ANO10: variants seen among roughly 807,000 people sequenced by gnomAD.
The protein encoded by ANO10 is anoctamin-10.
A neutral mutation model predicts 74.7 loss-of-function variants in ANO10; 77 were observed. The ratio of observed to expected loss-of-function variants is 1.03; its 90% CI spans 0.86 to 1.25. ANO10 has a LOEUF of 1.25. Ranked by LOEUF, ANO10 falls within the 50% of genes most tolerant of loss-of-function variation. ANO10 has a pLI of 0.00. For missense variants in ANO10, 721 were observed against 778.1 expected, an observed-to-expected ratio of 0.93 and a Z score of 0.87; for synonymous variants, 279 against 284.9, an observed-to-expected ratio of 0.98 and a Z score of 0.21.
intron 11 of ANO10, among the ~76,000 whole-genome samples, chr3:43,544,804 A>G (rs1435297841): frequency 2.0e-5 from 3 of 151,610 alleles, no homozygotes; most frequent in Non-Finnish European, 2.9e-5. Flanking sequence ...AATAAAAAAA[A>G]AAAAAAAAAA....
intron 12 of ANO10, among the ~76,000 whole-genome samples, chr3:43,373,148 G>C: frequency 1.2e-5 from 1 of 80,350 alleles, no homozygotes; most frequent in Admixed American, 1.7e-4. Context: ...CTAAGGTTTT[G>C]ACTCAGAAGC....
chr3:43,420,320 C>A (rs560859241), intron 12 of ANO10, among the ~76,000 whole-genome samples: 6 of 152,112 alleles, frequency 3.9e-5, no homozygotes, highest in African/African-American at 1.4e-4. Flanking sequence ...GTGGCGCACA[C>A]CTGTAGTCCC....
At chr3:43,616,354 C>G (rs1384177598) in intron 1 of ANO10, among the ~76,000 whole-genome samples, 3 of 152,282 alleles carry the variant, frequency 2.0e-5, no homozygotes, top group Admixed American at 6.5e-5. Flanking sequence ...CAGAAGACAA[C>G]CTTTTGTTTT....
chr3:43,527,514 G>A lies in ANO10; in HGVS notation c.1797+22206C>T, dbSNP rs148396252. On this transcript the variant is annotated intron_variant, in intron 11 of 12. Coordinates refer to ENST00000292246, the MANE Select transcript of ANO10 (RefSeq NM_018075.5). ...TGGGTTCTCATAGGACAATGGAGCC[G>A]TCTAAATCCAAATCTCTCCATATAT... Among the ~76,000 whole-genome samples, 1,314 of 152,114 alleles carry A rather than the reference G, an allele frequency of 8.6e-3. 13 individuals are homozygous for A. The highest frequency in any genetic ancestry group is 0.014 in the Non-Finnish European group (954 of 67,978).
chr3:43,591,774 C>T (rs575029774), intron 4 of ANO10, among the ~76,000 whole-genome samples: 11 of 152,220 alleles, frequency 7.2e-5, no homozygotes, highest in South Asian at 2.1e-4. Context: ...GTGCAGCGCA[C>T]GGACAGAGCC....
chr3:43,606,856 C>T (rs1480616228), intron 1 of ANO10, among the ~76,000 whole-genome samples: 3 of 152,116 alleles, frequency 2.0e-5, no homozygotes, highest in Non-Finnish European at 4.4e-5. Flanking sequence ...AGGGTTCAAA[C>T]TCTTCTGCTG....
rs569424979 is a variant in ANO10, at chr3:43,690,949, C to T, written c.-12+568G>A. ...GCCCGGGGCGGCCCAGTCGGCCTGT[C>T]AGCCGGCTTCGAGATAAGTCCCGGC... On this transcript the variant is annotated intron_variant, in intron 1 of 3. Transcript: ENST00000413397. The T allele has an allele frequency of 5.8e-6, 9 of 1,546,072 alleles. No individual in the cohort carries two copies. In the South Asian group the frequency reaches 9.5e-5, roughly 16 times the overall value.
At chr3:43,555,917 A>C (rs143212480) in intron 9 of ANO10, among the ~76,000 whole-genome samples, 215 of 152,272 alleles carry the variant, frequency 1.4e-3, no homozygotes, top group African/African-American at 5.0e-3. Context: ...GATGTTCTGG[A>C]TATCTGAATC....
At chr3:43,404,306 T>C (rs1159563081) in intron 12 of ANO10, among the ~76,000 whole-genome samples, 1 of 152,106 alleles carries the variant, frequency 6.6e-6, no homozygotes, top group African/African-American at 2.4e-5. Flanking sequence ...AAGGGAAGCC[T>C]CTGGATAATA....
chr3:43,548,700 T>A (rs2149304172), intron 11 of ANO10, among the ~76,000 whole-genome samples: 1 of 152,342 alleles, frequency 6.6e-6, no homozygotes, highest in Non-Finnish European at 1.5e-5. Context: ...TAGAGTTCCA[T>A]AACTGTTTTG....
At chr3:43,376,303 T>C (rs1438288887) in intron 12 of ANO10, among the ~76,000 whole-genome samples, 1 of 152,180 alleles carries the variant, frequency 6.6e-6, no homozygotes, top group Non-Finnish European at 1.5e-5. Context: ...AATGGACGGT[T>C]TTTTGAAACA....
chr3:43,646,351 C>T (rs1270374632), intron 1 of ANO10, among the ~76,000 whole-genome samples: 3 of 152,074 alleles, frequency 2.0e-5, no homozygotes, highest in African/African-American at 4.8e-5. Flanking sequence ...GAGAGTAGAC[C>T]AAGGGCACAC....
chr3:43,687,522 G>A (rs1350908875), intron 1 of ANO10, among the ~76,000 whole-genome samples: 1 of 152,174 alleles, frequency 6.6e-6, no homozygotes, highest in African/African-American at 2.4e-5. Context: ...CTTGGTCTTG[G>A]TGGGACAATG....
chr3:43,617,601 C>T (rs544053614), intron 1 of ANO10, among the ~76,000 whole-genome samples: 3 of 151,768 alleles, frequency 2.0e-5, no homozygotes, highest in South Asian at 4.2e-4. Context: ...TGTAGAGAAA[C>T]ACACTGTGAG....
chr3:43,614,944 G>C (rs2083023943), intron 1 of ANO10, among the ~76,000 whole-genome samples: 1 of 150,788 alleles, frequency 6.6e-6, no homozygotes, highest in South Asian at 2.1e-4. Context: ...ACAAGAAATT[G>C]GCTAAAGTCT....
chr3:43,366,004 G>C lies in ANO10; in HGVS notation c.*902C>G, dbSNP rs2091402687. ...GCCTGTGAATGCAGGGCAGTCCATG[G>C]ACACAGCTAGGGAGGTGGGCAGCAC... is the stretch of plus-strand genomic sequence containing the variant. On this transcript the variant is annotated 3_prime_UTR_variant, in exon 13 of 13. Coordinates refer to ENST00000292246, the MANE Select transcript of ANO10 (RefSeq NM_018075.5). 1 of 152,632 alleles carries C rather than the reference G, an allele frequency of 6.6e-6. No individual in the cohort carries two copies. The highest frequency in any genetic ancestry group is 1.5e-5 in the Non-Finnish European group (1 of 68,378). The allele number at this position is 152,632 out of a possible 1,614,324, so 9.5% of individuals were successfully genotyped here. A position where few individuals can be genotyped will look rare whatever the true frequency, so the allele number is the denominator to read the frequency against.
chr3:43,687,458 A>T (rs2084290081), intron 1 of ANO10, among the ~76,000 whole-genome samples: 1 of 152,140 alleles, frequency 6.6e-6, no homozygotes, highest in Non-Finnish European at 1.5e-5. Context: ...GCTGGAAATT[A>T]AAGCCAACCT....
At chr3:43,418,899 C>G (rs2092780285) in intron 12 of ANO10, among the ~76,000 whole-genome samples, 1 of 152,246 alleles carries the variant, frequency 6.6e-6, no homozygotes, top group South Asian at 2.1e-4. Flanking sequence ...TGGAACATAG[C>G]CACGCTCTTT....
chr3:43,541,100 A>G (rs1345294024), intron 11 of ANO10, among the ~76,000 whole-genome samples: 1 of 152,194 alleles, frequency 6.6e-6, no homozygotes, highest in Non-Finnish European at 1.5e-5. Flanking sequence ...ACCCTAATCC[A>G]AAAATAAAAA....
Sources: gnomAD v4.1 joint callset for allele counts (sites outside exome capture counted in the v4.1 genomes callset) on GRCh38, gnomAD v4.1.1 for gene constraint, MANE v1.5 for transcripts, NCBI Gene and HGNC (gene_info 2026-07-23, HGNC 2026-07-21) for gene names.